Variants in SMCR8 observed in about 807,000 individuals in gnomAD.
SMCR8 encodes the protein guanine nucleotide exchange protein SMCR8.
A neutral mutation model predicts 56.6 loss-of-function variants in SMCR8; 30 were observed. The ratio of observed to expected loss-of-function variants is 0.53; its 90% CI spans 0.40 to 0.72. SMCR8 has a LOEUF of 0.72. SMCR8 is among the 30% of genes least tolerant of loss of function. The pLI, the probability that SMCR8 is intolerant of heterozygous loss-of-function variation, is 0.00. For missense variants in SMCR8, 1,198 were observed against 1,157.0 expected, an observed-to-expected ratio of 1.04 and a Z score of -0.51; for synonymous variants, 538 against 456.0, an observed-to-expected ratio of 1.18 and a Z score of -2.29.
intron 1 of SMCR8, 86 bp from the exon 2 acceptor site, chr17:18,322,530 TG>T (rs1982528189): frequency 2.4e-6 from 3 of 1,231,418 alleles, no homozygotes; most frequent in East Asian, 2.3e-5. Flanking sequence ...GATGCTGGCC[TG>T]GGGACAGGAG....
Position 18,316,215 on chromosome 17 carries a change from C to T in SMCR8, c.426C>T (p.Tyr142=), listed in dbSNP as rs770366014. ...CATACGTGCACCACCTTACCCTATA[C>T]GACCTGGAGGCCCGTGGCTTCGTGA... The part of the protein sequence containing the change: ...AFAYVHHLTL[Y]DLEARGFVRP... The change falls in exon 1 of 2, where the codon TAC becomes TAT. Residue 142 remains tyrosine, a synonymous_variant. Coordinates refer to ENST00000406438, the MANE Select transcript of SMCR8 (RefSeq NM_144775.3). 6 of 1,613,806 alleles carry T rather than the reference C, an allele frequency of 3.7e-6. No individual in the cohort carries two copies. The highest frequency in any genetic ancestry group is 2.2e-5 in the East Asian group (1 of 44,886).
chr17:18,323,697 CCTGTCCG>C lies in SMCR8; in HGVS notation c.*634_*640del, dbSNP rs2142994520. ...CAGGGCCACAGAGCGTGAGCAGCAC[CCTGTCCG>C]CTGTCCTCGCCACCTTTACCTGGGA... On this transcript the variant is annotated 3_prime_UTR_variant, in exon 2 of 2. Coordinates refer to ENST00000406438, the MANE Select transcript of SMCR8 (RefSeq NM_144775.3). 1 of 155,018 alleles carries C rather than the reference CCTGTCCG, an allele frequency of 6.5e-6. No homozygotes were observed. The highest frequency in any genetic ancestry group is 2.0e-4 in the South Asian group (1 of 5,018). The allele number at this position is 155,018 out of a possible 1,614,324, so 9.6% of individuals were successfully genotyped here.
In SMCR8 at chr17:18,325,411, G is replaced by A. The variant is rs1284480430; in HGVS notation, c.*2341G>A. The stretch of plus-strand genomic sequence containing the variant: ...TGCTGGGGCATGAACAGAACAGACC[G>A]TCTCAGGGGCAGCCATGTAAGTGGC... On this transcript the variant is annotated 3_prime_UTR_variant, in exon 2 of 2. Coordinates refer to ENST00000406438, the MANE Select transcript of SMCR8 (RefSeq NM_144775.3). 1.3e-5 allele frequency: 2 copies of A among 152,236 alleles called. No individual in the cohort carries two copies. The highest frequency in any genetic ancestry group is 2.1e-4 in the South Asian group (1 of 4,824). The allele number at this position is 152,236 out of a possible 1,614,324, so 9.4% of individuals were successfully genotyped here.
At chr17:18,322,541 G>A in intron 1 of SMCR8, 76 bp from the exon 2 acceptor site, 1 of 1,363,978 alleles carries the variant, frequency 7.3e-7, no homozygotes, top group South Asian at 1.3e-5. Context: ...GGGGACAGGA[G>A]GCCTCACCTC....
chr17:18,321,381 G>A (rs57697650), intron 1 of SMCR8, among the ~76,000 whole-genome samples: 33,654 of 152,196 alleles, frequency 0.22, 3,929 homozygotes, highest in East Asian at 0.3. Flanking sequence ...CTAGAATCTT[G>A]GAGCTGCTTG....
chr17:18,322,573 C>G, intron 1 of SMCR8, 44 bp from the exon 2 acceptor site: 2 of 1,579,548 alleles, frequency 1.3e-6, no homozygotes, highest in South Asian at 2.3e-5. Flanking sequence ...CCTCCACTTT[C>G]CCGGCCCTTG....
rs772811164 is a variant in SMCR8 at position 18,316,200 on chromosome 17, C to T, written c.411C>T (p.His137=). ...DSKEGAFAYV[H]HLTLYDLEAR... ...AGGAGGGCGCCTTTGCATACGTGCACCACCTTACCCTATACGACCTGGAGG... is the reference window on the plus strand; with the variant it reads ...AGGAGGGCGCCTTTGCATACGTGCATCACCTTACCCTATACGACCTGGAGG... Residue 137 remains histidine (H), a synonymous_variant, in exon 1 of 2, where the codon CAC becomes CAT. Transcript: ENST00000406438. 2 of 1,613,846 alleles carry T rather than the reference C, an allele frequency of 1.2e-6. No individual in the cohort carries two copies. The highest frequency in any genetic ancestry group is 2.7e-5 in the African/African-American group (2 of 74,920).
In SMCR8 at chr17:18,322,734, G is replaced by A; in HGVS notation, c.2478G>A (p.Leu826=). The A allele has an allele frequency of 6.2e-7, 1 of 1,614,148 alleles. No homozygotes were observed. Among genetic ancestry groups the A allele is most frequent in the East Asian group, 2.2e-5 (1 of 44,876 alleles). ...TLRCPLYRGT[L]VPRLADHRTQ... ...GCTGCCCCCTTTACAGAGGCACCCTGGTGCCCCGCCTGGCAGACCACCGCA... is the reference window on the plus strand; with the variant it reads ...GCTGCCCCCTTTACAGAGGCACCCTAGTGCCCCGCCTGGCAGACCACCGCA... The change falls in exon 2 of 2, where the codon CTG becomes CTA. Residue 826 remains leucine (L), a synonymous_variant. Transcript: ENST00000406438.
chr17:18,322,860 C>T lies in SMCR8; in HGVS notation c.2604C>T (p.His868=), dbSNP rs767624436. The T allele has an allele frequency of 1.5e-5, 25 of 1,614,058 alleles. No individual in the cohort carries two copies. In the Admixed American group the frequency reaches 4.2e-4, roughly 27 times the overall value. ...AFLYTFCHHL[H]LPTHDKETEE... The stretch of plus-strand genomic sequence containing the variant: ...TCTACACCTTCTGCCACCACCTGCA[C>T]CTGCCTACCCACGACAAGGAGACAG... Residue 868 remains histidine, a synonymous_variant, in exon 2 of 2, where the codon CAC becomes CAT. Transcript: ENST00000406438.
intron 1 of SMCR8, 101 bp downstream of exon 1, chr17:18,318,250 C>A: frequency 8.8e-7 from 1 of 1,132,314 alleles, no homozygotes; most frequent in Non-Finnish European, 1.3e-6. Flanking sequence ...CTAGACAGGG[C>A]CCAGTTCCTA....
At chr17:18,318,369 G>C (rs1256647268) in intron 1 of SMCR8, among the ~76,000 whole-genome samples, 1 of 152,212 alleles carries the variant, frequency 6.6e-6, no homozygotes, top group African/African-American at 2.4e-5. Context: ...ATCTGTCCCC[G>C]AGCTGTGTCA....
rs147308062 is a variant in SMCR8 at position 18,317,460 on chromosome 17, C to G, written c.1671C>G (p.Phe557Leu). 2 of 1,614,118 alleles carry G rather than the reference C, an allele frequency of 1.2e-6. No homozygotes were observed. The highest frequency in any genetic ancestry group is 2.7e-5 in the African/African-American group (2 of 75,044). The change falls in exon 1 of 2, where the codon TTC becomes TTG. Residue 557 changes from phenylalanine to leucine, a missense_variant. Phe to Leu is a conservative substitution (Grantham distance 22). Transcript: ENST00000406438. ...YPDGNEGAIRFQASISPPELG... is the reference protein window; with the variant it reads ...YPDGNEGAIRLQASISPPELG... ...ATGGCAATGAAGGAGCCATCCGCTTCCAGGCAAGCATCAGTCCTCCAGAAC... is the reference window on the plus strand; with the variant it reads ...ATGGCAATGAAGGAGCCATCCGCTTGCAGGCAAGCATCAGTCCTCCAGAAC...
Position 18,327,590 on chromosome 17 carries a change from C to T in SMCR8, c.*4520C>T, listed in dbSNP as rs1343605312. Reference sequence around the variant, plus strand: ...GCTGCCTCACCGGGATTGTCTGCCACTAAATAGCTGGAGTCACAGATTGAG... The same window carrying T: ...GCTGCCTCACCGGGATTGTCTGCCATTAAATAGCTGGAGTCACAGATTGAG... On this transcript the variant is annotated 3_prime_UTR_variant, in exon 2 of 2. Transcript: ENST00000406438. 3 of 152,368 alleles carry T rather than the reference C, an allele frequency of 2.0e-5. No individual in the cohort carries two copies. In the East Asian group the frequency reaches 5.8e-4, roughly 29 times the overall value. 9.4% of individuals were successfully genotyped at this position (152,368 alleles called of 1,614,324 possible).
intron 1 of SMCR8, among the ~76,000 whole-genome samples, chr17:18,319,385 A>G (rs1982431264): frequency 6.6e-6 from 1 of 152,096 alleles, no homozygotes; most frequent in Non-Finnish European, 1.5e-5. Flanking sequence ...AGGCAGGCAG[A>G]CTGGGGCCTA....
intron 1 of SMCR8, among the ~76,000 whole-genome samples, chr17:18,321,206 C>T (rs1982487314): frequency 6.6e-6 from 1 of 152,226 alleles, no homozygotes; most frequent in Non-Finnish European, 1.5e-5. Context: ...TGACGTAAAC[C>T]CTAAATGTCT....
intron 1 of SMCR8, among the ~76,000 whole-genome samples, chr17:18,320,854 T>C (rs1009084932): frequency 5.3e-5 from 8 of 152,198 alleles, no homozygotes; most frequent in African/African-American, 1.2e-4. Context: ...CCTCAGTCCC[T>C]AGAGCCCACG....
In SMCR8 at chr17:18,316,494, A is replaced by G; in HGVS notation, c.705A>G (p.Glu235=). 1 of 1,614,184 alleles carries G rather than the reference A, an allele frequency of 6.2e-7. No individual in the cohort carries two copies. Among genetic ancestry groups the G allele is most frequent in the Non-Finnish European group, 8.5e-7 (1 of 1,180,036 alleles). ...CTCAGGCAATTGAGAAAGCCAATGA[A>G]CTGGCCAGTGTGGAGAAGTCCATCA... ...YSSQAIEKAN[E]LASVEKSIIE... Residue 235 remains glutamate, a synonymous_variant, in exon 1 of 2, where the codon GAA becomes GAG. Transcript: ENST00000406438.
At chr17:18,320,420 A>G (rs1359998924) in intron 1 of SMCR8, among the ~76,000 whole-genome samples, 1 of 152,234 alleles carries the variant, frequency 6.6e-6, no homozygotes, top group Non-Finnish European at 1.5e-5. Context: ...GGCAGGTGTC[A>G]GCTGCATCAG....
In SMCR8 at chr17:18,317,507, G is replaced by A. The variant is rs746134896; in HGVS notation, c.1718G>A (p.Ser573Asn). 1.9e-6 allele frequency: 3 copies of A among 1,614,086 alleles called. No individual in the cohort carries two copies. ...PPELGETEEG[S>N]IENTPSQIDS... is the part of the protein sequence containing the mutation. ...GAACTGGGTGAGACAGAGGAAGGCA[G>A]CATAGAAAACACCCCATCACAAATA... The change falls in exon 1 of 2, where the codon AGC (serine) becomes AAC (asparagine). Residue 573 changes from serine (S) to asparagine (N), a missense_variant. By Grantham distance (46) the Ser-to-Asn change is conservative (BLOSUM62 1). Coordinates refer to ENST00000406438, the MANE Select transcript of SMCR8 (RefSeq NM_144775.3).
Sources: gnomAD v4.1 joint callset for allele counts (sites outside exome capture counted in the v4.1 genomes callset) on GRCh38, gnomAD v4.1.1 for gene constraint, MANE v1.5 for transcripts, NCBI Gene and HGNC (gene_info 2026-07-23, HGNC 2026-07-21) for gene names.